Variants in EVI5 observed in about 807,000 individuals in gnomAD.
The protein encoded by EVI5 is ecotropic viral integration site 5 protein homolog.
In EVI5, 73 loss-of-function variants were observed where a neutral mutation model predicts 112.0. That is an observed-to-expected ratio of 0.65 (90% CI 0.54 to 0.79). EVI5 has a LOEUF of 0.79. EVI5 is among the 30% of genes least tolerant of loss of function. The pLI is 0.00. For missense variants in EVI5, 900 were observed against 968.8 expected (o/e 0.93, Z 0.94); for synonymous variants, 305 against 319.9 (o/e 0.95, Z 0.50).
rs993085954 is a variant in EVI5, at chr1:92,694,483, T to C, written c.910-95A>G. The C allele has an allele frequency of 8.5e-6, 6 of 708,404 alleles. No homozygotes were observed. The African/African-American group carries it at 1.1e-4, about 13-fold the overall frequency. 43.9% of individuals were successfully genotyped at this position (708,404 alleles called of 1,614,324 possible). A position where few individuals can be genotyped will look rare whatever the true frequency, so the allele number is the denominator to read the frequency against. On this transcript the variant is annotated intron_variant, in intron 7 of 19. Transcript: ENST00000684568. ...TAATACTAAGGTAAACATTTAGGGA[T>C]CTAAACTAGGGGCTGGCAAACATTT...
At chr1:92,723,646 GTGTT>G (rs1478802365) in intron 2 of EVI5, among the ~76,000 whole-genome samples, 4 of 152,158 alleles carry the variant, frequency 2.6e-5, no homozygotes, top group East Asian at 3.9e-4. Flanking sequence ...TAAAATATGT[GTGTT>G]TGAACAATAG....
At chr1:92,778,554 C>G (rs1475153383) in intron 1 of EVI5, among the ~76,000 whole-genome samples, 2 of 152,050 alleles carry the variant, frequency 1.3e-5, no homozygotes, top group African/African-American at 4.8e-5. Flanking sequence ...TACTGACAAC[C>G]AGACCTCAAC....
chr1:92,590,833 G>T (rs1673719278), intron 18 of EVI5, among the ~76,000 whole-genome samples: 3 of 152,302 alleles, frequency 2.0e-5, no homozygotes, highest in East Asian at 3.9e-4. Context: ...AAGTTGAAAT[G>T]AAGGAAAAAA....
chr1:92,565,542 C>T (rs903369121), intron 18 of EVI5, among the ~76,000 whole-genome samples: 1 of 152,062 alleles, frequency 6.6e-6, no homozygotes, highest in African/African-American at 2.4e-5. Context: ...AGATTCCTCC[C>T]ATATTTAAAA....
upstream of EVI5, among the ~76,000 whole-genome samples, chr1:92,787,568 CAA>C (rs5776157): frequency 5.9e-5 from 9 of 151,312 alleles, no homozygotes; most frequent in Middle Eastern, 3.4e-3. Context: ...CCTATCTTTA[CAA>C]AAAAAAAATA....
intron 3 of EVI5, 42 bp from the exon 4 acceptor site, chr1:92,703,661 T>C (rs1671536889): frequency 4.0e-6 from 5 of 1,245,674 alleles, no homozygotes; most frequent in African/African-American, 1.6e-5. Context: ...TATTTAAGTG[T>C]CCTATCTTGC....
intron 19 of EVI5, among the ~76,000 whole-genome samples, chr1:92,541,927 T>C (rs187520756): frequency 6.6e-6 from 1 of 152,370 alleles, no homozygotes; most frequent in African/African-American, 2.4e-5. Context: ...CAGCAAGTAA[T>C]GGATCTTTTT....
At position 92,598,457 on chromosome 1, in the gene EVI5, A is replaced by G. The variant is rs528893702; in HGVS notation, c.2070+6850T>C. 3.3e-5 allele frequency among the ~76,000 whole-genome samples: 5 copies of G among 152,314 alleles called. No homozygotes were observed. The South Asian group carries it at 8.3e-4, about 25-fold the overall frequency. ...TGTTATGAAGAAAAAATAAACCAAC[A>G]TAAGAGTCTAGTAACTAGAATAGGA... On this transcript the variant is annotated intron_variant, in intron 18 of 19. Transcript: ENST00000684568.
At chr1:92,629,629 C>A (rs74536901) in intron 14 of EVI5, among the ~76,000 whole-genome samples, 3,718 of 152,172 alleles carry the variant, frequency 0.024, 169 homozygotes, top group African/African-American at 0.085. Context: ...TTGGACAGTT[C>A]TAACAACTAC....
chr1:92,663,320 G>T, intron 12 of EVI5, 100 bp downstream of exon 12: 1 of 524,902 alleles, frequency 1.9e-6, no homozygotes, highest in Non-Finnish European at 3.2e-6. Context: ...AAAAACGCAT[G>T]TAAAATTGCA....
At chr1:92,533,645 C>T (rs1288435480) in intron 19 of EVI5, among the ~76,000 whole-genome samples, 2 of 152,122 alleles carry the variant, frequency 1.3e-5, no homozygotes, top group Non-Finnish European at 2.9e-5. Context: ...AATCAATAAA[C>T]GTAATCCATC....
At chr1:92,700,399 G>A (rs1670966114) in intron 5 of EVI5, among the ~76,000 whole-genome samples, 1 of 152,176 alleles carries the variant, frequency 6.6e-6, no homozygotes, top group South Asian at 2.1e-4. Flanking sequence ...ATAGCATAAG[G>A]TGTCGGCATA....
At chr1:92,568,861 T>C (rs188662222) in intron 18 of EVI5, among the ~76,000 whole-genome samples, 2 of 152,344 alleles carry the variant, frequency 1.3e-5, no homozygotes, top group Admixed American at 1.3e-4. Flanking sequence ...CAGTCTATGA[T>C]GCATGTAACA....
At chr1:92,637,725 G>A (rs895961250) in intron 13 of EVI5, among the ~76,000 whole-genome samples, 10 of 151,958 alleles carry the variant, frequency 6.6e-5, no homozygotes, top group African/African-American at 2.4e-4. Flanking sequence ...CATGAATAAA[G>A]CACAGTTATT....
intron 19 of EVI5, among the ~76,000 whole-genome samples, chr1:92,522,880 C>G (rs1271323507): frequency 6.6e-6 from 1 of 152,112 alleles, no homozygotes; most frequent in African/African-American, 2.4e-5. Context: ...GCCTCAGGCT[C>G]CTGAGTAGCT....
At chr1:92,729,270 GAGT>G (rs1300856001) in intron 2 of EVI5, among the ~76,000 whole-genome samples, 2 of 152,184 alleles carry the variant, frequency 1.3e-5, no homozygotes, top group Non-Finnish European at 2.9e-5. Context: ...TTAAATTTGT[GAGT>G]AGAAGTCATG....
chr1:92,778,037 T>C lies in EVI5; in HGVS notation c.-82+6799A>G, dbSNP rs577390344. Among the ~76,000 whole-genome samples the C allele has an allele frequency of 3.3e-5, 5 of 151,720 alleles. No individual in the cohort carries two copies. In the East Asian group the frequency reaches 9.7e-4, roughly 30 times the overall value. On this transcript the variant is annotated intron_variant, in intron 1 of 19. Coordinates refer to ENST00000684568, the MANE Select transcript of EVI5 (RefSeq NM_001350197.2). ...AATCCTCCTGCCTCAGCCTCCTGAGTAGCTGGGACTACAGGCGCACGCCAC... is the reference window on the plus strand; with the variant it reads ...AATCCTCCTGCCTCAGCCTCCTGAGCAGCTGGGACTACAGGCGCACGCCAC...
chr1:92,592,514 A>G (rs1674138448), intron 18 of EVI5, among the ~76,000 whole-genome samples: 1 of 152,240 alleles, frequency 6.6e-6, no homozygotes, highest in Non-Finnish European at 1.5e-5. Context: ...AAAGAACTAG[A>G]GAAGCAAGAC....
chr1:92,772,668 C>A (rs1019900737), intron 1 of EVI5, among the ~76,000 whole-genome samples: 1 of 151,622 alleles, frequency 6.6e-6, no homozygotes, highest in African/African-American at 2.4e-5. Context: ...TTTGGGAGGG[C>A]GAGGCAGGTG....
Sources: gnomAD v4.1 joint callset for allele counts (sites outside exome capture counted in the v4.1 genomes callset) on GRCh38, gnomAD v4.1.1 for gene constraint, MANE v1.5 for transcripts, NCBI Gene and HGNC (gene_info 2026-07-23, HGNC 2026-07-21) for gene names.